LRBA: variants seen among roughly 807,000 people sequenced by gnomAD.
LRBA encodes LPS responsive beige-like anchor protein, also known as lipopolysaccharide-responsive and beige-like anchor protein.
A neutral mutation model predicts 330.0 loss-of-function variants in LRBA; 176 were observed. The ratio of observed to expected loss-of-function variants is 0.53; its 90% CI spans 0.47 to 0.60. LRBA has a LOEUF of 0.60. LRBA is among the 20% of genes least tolerant of loss of function. The pLI is 0.00. For synonymous variants in LRBA, 1,230 were observed against 1,193.0 expected (o/e 1.03, Z -0.64); for missense variants, 3,259 against 3,444.8 (o/e 0.95, Z 1.35).
chr4:150,564,684 T>C (rs1768890488), intron 40 of LRBA, among the ~76,000 whole-genome samples: 1 of 151,696 alleles, frequency 6.6e-6, no homozygotes, highest in Admixed American at 6.6e-5. Context: ...TTAAACAAAT[T>C]TACGAGAAAA....
intron 28 of LRBA, among the ~76,000 whole-genome samples, chr4:150,834,769 A>G (rs2126839893): frequency 6.6e-6 from 1 of 152,346 alleles, no homozygotes; most frequent in East Asian, 1.9e-4. Flanking sequence ...GAAGCCAGGC[A>G]TTGACTTCCT....
chr4:150,630,500 T>C (rs1030205626), intron 37 of LRBA, among the ~76,000 whole-genome samples: 2 of 148,352 alleles, frequency 1.3e-5, no homozygotes, highest in African/African-American at 5.0e-5. Flanking sequence ...TGAATATCAG[T>C]AATCATGTCA....
At chr4:150,359,391 T>G (rs1022260935) in intron 47 of LRBA, among the ~76,000 whole-genome samples, 15 of 152,266 alleles carry the variant, frequency 9.9e-5, no homozygotes, top group Admixed American at 7.8e-4. Flanking sequence ...GTGAGAGCCT[T>G]AATCAAGAAA....
rs145438774 is a variant in LRBA at position 150,918,011 on chromosome 4, T to C, written c.646-1273A>G. On this transcript the variant is annotated intron_variant, in intron 5 of 56. Coordinates refer to ENST00000651943, the MANE Select transcript of LRBA (RefSeq NM_001364905.1). ...TACCATTAATATAAAGCAACAGTGA[T>C]GAAGACTGTGGTATTAGCATAAGGC... Among the ~76,000 whole-genome samples, 6 of 152,288 alleles carry C rather than the reference T, an allele frequency of 3.9e-5. No individual in the cohort carries two copies. The East Asian group carries it at 1.2e-3, about 29-fold the overall frequency.
chr4:150,560,286 G>A (rs1232646944), intron 40 of LRBA, among the ~76,000 whole-genome samples: 1 of 151,856 alleles, frequency 6.6e-6, no homozygotes, highest in Non-Finnish European at 1.5e-5. Context: ...TGATAAATGA[G>A]GCTAAATATT....
At chr4:150,531,653 G>C (rs1307522948) in intron 40 of LRBA, among the ~76,000 whole-genome samples, 1 of 152,198 alleles carries the variant, frequency 6.6e-6, no homozygotes, top group Non-Finnish European at 1.5e-5. Flanking sequence ...TGAGTGGATA[G>C]GCACAATATA....
At chr4:151,006,159 T>C (rs1193684332) in intron 2 of LRBA, among the ~76,000 whole-genome samples, 3 of 152,056 alleles carry the variant, frequency 2.0e-5, no homozygotes, top group Non-Finnish European at 2.9e-5. Context: ...CTGGCCAATA[T>C]GGCGAAACCC....
At chr4:150,998,140 T>C (rs181725882) in intron 2 of LRBA, among the ~76,000 whole-genome samples, 35 of 150,896 alleles carry the variant, frequency 2.3e-4, no homozygotes, top group African/African-American at 8.0e-4. Context: ...TCACATGAGG[T>C]TGGGAGTTCG....
chr4:150,463,236 G>A (rs532847375), intron 44 of LRBA, among the ~76,000 whole-genome samples: 1 of 152,056 alleles, frequency 6.6e-6, no homozygotes, highest in South Asian at 2.1e-4. Context: ...TAGGAAAGGA[G>A]ATATTAGTTG....
At chr4:150,468,274 C>A (rs1755676972) in intron 43 of LRBA, among the ~76,000 whole-genome samples, 1 of 151,960 alleles carries the variant, frequency 6.6e-6, no homozygotes, top group South Asian at 2.1e-4. Flanking sequence ...ATTCACCAGT[C>A]ATCTATAAAA....
intron 2 of LRBA, among the ~76,000 whole-genome samples, chr4:151,007,257 C>G (rs923228703): frequency 1.3e-5 from 2 of 152,076 alleles, no homozygotes; most frequent in Admixed American, 6.6e-5. Context: ...ATCCCAGCAC[C>G]TTGGGAGGCC....
At chr4:150,726,529 A>G (rs1729698581) in intron 36 of LRBA, among the ~76,000 whole-genome samples, 1 of 152,182 alleles carries the variant, frequency 6.6e-6, no homozygotes, top group Non-Finnish European at 1.5e-5. Context: ...TTTATAAAGG[A>G]AAGAGGTTTA....
In LRBA at chr4:150,356,038, A is replaced by G. The variant is rs142270629; in HGVS notation, c.7195-5879T>C. Among the ~76,000 whole-genome samples, 61 of 152,196 alleles carry G rather than the reference A, an allele frequency of 4.0e-4. 1 individual carries two copies. The East Asian group carries it at 0.01, about 26-fold the overall frequency. On this transcript the variant is annotated intron_variant, in intron 47 of 56. Transcript: ENST00000651943. ...GTGGTAATGTTTCCTTAACATTGATATATGACCTTTGTAATTTACATTGAA... is the reference window on the plus strand; with the variant it reads ...GTGGTAATGTTTCCTTAACATTGATGTATGACCTTTGTAATTTACATTGAA...
At chr4:150,946,963 A>C (rs1736314254) in intron 2 of LRBA, among the ~76,000 whole-genome samples, 1 of 151,852 alleles carries the variant, frequency 6.6e-6, no homozygotes, top group Admixed American at 6.6e-5. Context: ...CTAAACATAT[A>C]ATGTGACAAC....
At chr4:150,809,926 ATACG>A (rs1743468806) in intron 31 of LRBA, among the ~76,000 whole-genome samples, 2 of 117,274 alleles carry the variant, frequency 1.7e-5, no homozygotes, top group Non-Finnish European at 3.7e-5. Flanking sequence ...ATACGATACG[ATACG>A]ATACTTCCCT....
chr4:150,587,928 T>C (rs1189895378), intron 40 of LRBA, 120 bp downstream of exon 40: 16 of 1,089,342 alleles, frequency 1.5e-5, no homozygotes, highest in South Asian at 6.2e-5. Flanking sequence ...ACATTGCATA[T>C]AAGCCAAGGC....
At chr4:150,956,781 T>C (rs1737590650) in intron 2 of LRBA, among the ~76,000 whole-genome samples, 1 of 148,872 alleles carries the variant, frequency 6.7e-6, no homozygotes, top group South Asian at 2.1e-4. Context: ...ATCATCTCAA[T>C]AGACAAAAAA....
intron 13 of LRBA, among the ~76,000 whole-genome samples, chr4:150,904,951 G>A (rs1731162762): frequency 6.6e-6 from 1 of 152,054 alleles, no homozygotes; most frequent in African/African-American, 2.4e-5. Flanking sequence ...GGGCCAAAAG[G>A]CAGAAGGGGA....
chr4:150,985,741 G>A (rs957144760), intron 2 of LRBA, among the ~76,000 whole-genome samples: 5 of 151,934 alleles, frequency 3.3e-5, no homozygotes, highest in African/African-American at 1.2e-4. Context: ...CTCGTGATCC[G>A]CCCGCCTCGG....
Sources: allele counts gnomAD v4.1 joint callset (sites outside exome capture counted in the v4.1 genomes callset), GRCh38; gene constraint gnomAD v4.1.1; transcripts MANE v1.5; gene names NCBI Gene and HGNC (gene_info 2026-07-23, HGNC 2026-07-21).